Variants in ARL15 observed in about 807,000 individuals in gnomAD.
The protein encoded by ARL15 is ARF like GTPase 15.
ARL15 carries 19 observed loss-of-function variants against 25.2 expected under a neutral mutation model. The ratio of observed to expected loss-of-function variants is 0.75; its 90% CI spans 0.53 to 1.10. The LOEUF (loss-of-function observed/expected upper bound fraction) is 1.10. Among genes scored for constraint, ARL15 ranks in the 50% least tolerant of loss-of-function variants. The probability of loss-of-function intolerance (pLI) is 0.00; values close to 1 mark genes in which losing one functional copy is unlikely to be tolerated. For missense variants in ARL15, 220 were observed against 246.0 expected (o/e 0.89, Z 0.71); for synonymous variants, 94 against 86.8 (o/e 1.08, Z -0.46).
Position 54,268,496 on chromosome 5 carries a change from T to G in ARL15, c.48+41936A>C, listed in dbSNP as rs368897441. On this transcript the variant is annotated intron_variant, in intron 1 of 4. Transcript: ENST00000504924. The stretch of plus-strand genomic sequence containing the variant: ...AAAGTCATTCTCCGTCCAGCTTTGT[T>G]CCATTGCTGGTGAGGAATTGCGTTC... Among the ~76,000 whole-genome samples, 16 of 152,364 alleles carry G rather than the reference T, an allele frequency of 1.1e-4. No individual in the cohort carries two copies. In the East Asian group the frequency reaches 1.7e-3, roughly 17 times the overall value.
At chr5:53,908,839 G>T (rs551226532) in intron 4 of ARL15, among the ~76,000 whole-genome samples, 1 of 152,314 alleles carries the variant, frequency 6.6e-6, no homozygotes, top group South Asian at 2.1e-4. Flanking sequence ...TTTGAGAAGG[G>T]TGTGTAGGAT....
At chr5:54,172,290 C>T (rs1754743391) in intron 1 of ARL15, among the ~76,000 whole-genome samples, 1 of 152,096 alleles carries the variant, frequency 6.6e-6, no homozygotes, top group South Asian at 2.1e-4. Flanking sequence ...GGCAACTGGC[C>T]TGTTCTCCTC....
chr5:54,161,998 T>TACACACACACACACACACACAC (rs3839223), intron 2 of ARL15, among the ~76,000 whole-genome samples: 1 of 144,566 alleles, frequency 6.9e-6, no homozygotes, highest in African/African-American at 2.5e-5. Flanking sequence ...CACACACACA[T>TACACACACACACACACACACAC]ACACACACAC....
In ARL15 at chr5:54,295,472, G is replaced by C. The variant is rs192702138; in HGVS notation, c.48+14960C>G. ...AAAAGTGATGCTACCCACAGCCCAAGGCCAGGTCAGTAGGGACCCTGAAAG... is the reference window on the plus strand; with the variant it reads ...AAAAGTGATGCTACCCACAGCCCAACGCCAGGTCAGTAGGGACCCTGAAAG... On this transcript the variant is annotated intron_variant, in intron 1 of 4. Transcript: ENST00000504924. 2.9e-4 allele frequency among the ~76,000 whole-genome samples: 44 copies of C among 152,192 alleles called. No homozygotes were observed. The East Asian group carries it at 5.4e-3, about 19-fold the overall frequency.
intron 1 of ARL15, among the ~76,000 whole-genome samples, chr5:54,283,122 G>C (rs1047984348): frequency 6.6e-6 from 1 of 152,148 alleles, no homozygotes; most frequent in Non-Finnish European, 1.5e-5. Flanking sequence ...CAGCAATCAC[G>C]GTTTTATCCA....
At chr5:53,957,993 T>C (rs1477093755) in intron 4 of ARL15, among the ~76,000 whole-genome samples, 1 of 152,046 alleles carries the variant, frequency 6.6e-6, no homozygotes, top group Non-Finnish European at 1.5e-5. Context: ...GTGGATCACC[T>C]GAGGTCAGGG....
chr5:53,887,879 G>A (rs1474566744), intron 4 of ARL15, among the ~76,000 whole-genome samples: 2 of 152,136 alleles, frequency 1.3e-5, no homozygotes, highest in African/African-American at 2.4e-5. Context: ...ACTACTGTTT[G>A]TTGACAGTAG....
At chr5:53,955,461 A>G (rs1444721407) in intron 4 of ARL15, among the ~76,000 whole-genome samples, 1 of 152,206 alleles carries the variant, frequency 6.6e-6, no homozygotes, top group Non-Finnish European at 1.5e-5. Context: ...TTCGATAAAT[A>G]AAACACACTT....
At chr5:54,069,823 A>G (rs889692019) in intron 4 of ARL15, among the ~76,000 whole-genome samples, 2 of 151,174 alleles carry the variant, frequency 1.3e-5, no homozygotes, top group Non-Finnish European at 2.9e-5. Context: ...ACAGGCATTC[A>G]CCACCACATC....
At chr5:54,310,103 C>A (rs1758856042) in intron 1 of ARL15, among the ~76,000 whole-genome samples, 1 of 152,206 alleles carries the variant, frequency 6.6e-6, no homozygotes, top group Admixed American at 6.5e-5. Context: ...AAGTCCTCTG[C>A]GGAGAGCGCA....
At chr5:53,973,393 G>A (rs1352826164) in intron 4 of ARL15, among the ~76,000 whole-genome samples, 1 of 151,838 alleles carries the variant, frequency 6.6e-6, no homozygotes, top group Non-Finnish European at 1.5e-5. Flanking sequence ...GGTGAACATG[G>A]TAAAACCCCA....
intron 1 of ARL15, among the ~76,000 whole-genome samples, chr5:54,175,542 C>G (rs1754843165): frequency 6.6e-6 from 1 of 151,820 alleles, no homozygotes; most frequent in Non-Finnish European, 1.5e-5. Context: ...ACCATGTTGG[C>G]CAGGCTGGTC....
At chr5:54,279,659 G>T (rs1019150256) in intron 1 of ARL15, among the ~76,000 whole-genome samples, 2 of 152,108 alleles carry the variant, frequency 1.3e-5, no homozygotes, top group Non-Finnish European at 2.9e-5. Context: ...TCCTTTTAGG[G>T]CCGATTTTTA....
intron 1 of ARL15, among the ~76,000 whole-genome samples, chr5:54,192,989 T>C (rs1238396416): frequency 2.6e-5 from 4 of 152,214 alleles, no homozygotes; most frequent in Non-Finnish European, 4.4e-5. Context: ...ATGTTTCACG[T>C]AGGACATTCC....
At chr5:54,054,260 A>G (rs1397175637) in intron 4 of ARL15, among the ~76,000 whole-genome samples, 4 of 152,122 alleles carry the variant, frequency 2.6e-5, no homozygotes, top group Non-Finnish European at 5.9e-5. Context: ...ATGCATATAT[A>G]CCTTTAAAGA....
chr5:54,024,094 C>T (rs1292453636), intron 4 of ARL15, among the ~76,000 whole-genome samples: 1 of 152,162 alleles, frequency 6.6e-6, no homozygotes, highest in Non-Finnish European at 1.5e-5. Context: ...AATTTGTATG[C>T]CTTTTCTCCT....
At chr5:54,310,111 G>A (rs887140025) in intron 1 of ARL15, among the ~76,000 whole-genome samples, 4 of 152,182 alleles carry the variant, frequency 2.6e-5, no homozygotes, top group African/African-American at 9.7e-5. Flanking sequence ...TGCGGAGAGC[G>A]CAGAGGGAAG....
In ARL15 at chr5:54,205,997, C is replaced by T. The variant is rs144217134; in HGVS notation, c.49-34069G>A. On this transcript the variant is annotated intron_variant, in intron 1 of 4. Coordinates refer to ENST00000504924, the MANE Select transcript of ARL15 (RefSeq NM_019087.3). ...TCTTCTGGTTTGGCCCTTTCTCCTC[C>T]ACCCCCAGAATCTGTATTTTTTCTT... is the stretch of plus-strand genomic sequence containing the variant. 4.0e-3 allele frequency among the ~76,000 whole-genome samples: 604 copies of T among 152,196 alleles called. 5 individuals are homozygous for T. Among genetic ancestry groups the T allele is most frequent in the African/African-American group, 0.013 (551 of 41,542 alleles).
chr5:54,050,581 A>C (rs1750676046), intron 4 of ARL15, among the ~76,000 whole-genome samples: 1 of 152,200 alleles, frequency 6.6e-6, no homozygotes, highest in Admixed American at 6.5e-5. Context: ...ATTTTGCAAA[A>C]GAAAATGTGG....
Sources: allele counts gnomAD v4.1 joint callset (sites outside exome capture counted in the v4.1 genomes callset), GRCh38; gene constraint gnomAD v4.1.1; transcripts MANE v1.5; gene names NCBI Gene and HGNC (gene_info 2026-07-23, HGNC 2026-07-21).